RAD51B: variants seen among roughly 807,000 people sequenced by gnomAD.
RAD51B encodes DNA repair protein RAD51 homolog 2.
In RAD51B, 38 loss-of-function variants were observed where a neutral mutation model predicts 42.2. The ratio of observed to expected loss-of-function variants is 0.90; its 90% CI spans 0.70 to 1.18. The LOEUF (loss-of-function observed/expected upper bound fraction) is 1.18. Ranked by LOEUF, RAD51B falls within the 50% of genes most tolerant of loss-of-function variation. The pLI is 0.00. For missense variants in RAD51B, 373 were observed against 400.7 expected, an observed-to-expected ratio of 0.93 and a Z score of 0.59; for synonymous variants, 154 against 145.2, an observed-to-expected ratio of 1.06 and a Z score of -0.43.
At chr14:68,114,084 C>T (rs1489194396) in intron 7 of RAD51B, 1 of 151,962 alleles carries the variant, frequency 6.6e-6, no homozygotes, top group East Asian at 1.9e-4. Flanking sequence ...GAGAGTTTTC[C>T]ACACTGAATA....
At chr14:68,061,748 A>G (rs1224346844) in intron 7 of RAD51B, among the ~76,000 whole-genome samples, 3 of 152,116 alleles carry the variant, frequency 2.0e-5, no homozygotes, top group Non-Finnish European at 4.4e-5. Context: ...TTGATTTTGT[A>G]TACTGCAACT....
chr14:68,057,279 T>C (rs941322205), intron 7 of RAD51B, among the ~76,000 whole-genome samples: 3 of 152,106 alleles, frequency 2.0e-5, no homozygotes, highest in Non-Finnish European at 4.4e-5. Context: ...AGAGAAAATG[T>C]AATAGTTCTT....
At chr14:68,648,107 A>G (rs1892612979) in intron 10 of RAD51B, among the ~76,000 whole-genome samples, 1 of 24,402 alleles carries the variant, frequency 4.1e-5, no homozygotes, top group Admixed American at 5.0e-4. Context: ...ATATATATAC[A>G]CACACGTATA....
chr14:68,293,995 A>T (rs1345447105), intron 8 of RAD51B, among the ~76,000 whole-genome samples: 1 of 152,216 alleles, frequency 6.6e-6, no homozygotes, highest in Non-Finnish European at 1.5e-5. Flanking sequence ...CATTGTTAAA[A>T]ATTGTTATAA....
intron 10 of RAD51B, among the ~76,000 whole-genome samples, chr14:68,517,242 AGGGAAG>A (rs1171595519): frequency 6.0e-5 from 9 of 151,140 alleles, no homozygotes; most frequent in East Asian, 2.0e-4. Context: ...AGGAAAGGAA[AGGGAAG>A]GGGAAGGGGA....
intron 11 of RAD51B, among the ~76,000 whole-genome samples, chr14:68,666,940 T>C (rs1893043812): frequency 6.6e-6 from 1 of 152,100 alleles, no homozygotes; most frequent in Non-Finnish European, 1.5e-5. Flanking sequence ...TCTTTCAGGG[T>C]TGGCCTTTTA....
At chr14:68,624,045 G>A (rs187948591) in intron 10 of RAD51B, among the ~76,000 whole-genome samples, 3 of 152,296 alleles carry the variant, frequency 2.0e-5, no homozygotes, top group Non-Finnish European at 2.9e-5. Flanking sequence ...AAGACGAGGG[G>A]AAGTCGGCAT....
chr14:68,524,529 C>T (rs893430719), intron 10 of RAD51B, among the ~76,000 whole-genome samples: 5 of 152,156 alleles, frequency 3.3e-5, no homozygotes, highest in Non-Finnish European at 5.9e-5. Flanking sequence ...CCCACAGGCT[C>T]GAGCTGGCTT....
chr14:68,314,452 A>C (rs1207059534), intron 8 of RAD51B, among the ~76,000 whole-genome samples: 1 of 152,118 alleles, frequency 6.6e-6, no homozygotes, highest in African/African-American at 2.4e-5. Flanking sequence ...CAGACTTAAA[A>C]TGCTTGCCTC....
At chr14:68,604,395 A>C (rs1055506913) in intron 10 of RAD51B, among the ~76,000 whole-genome samples, 6 of 152,136 alleles carry the variant, frequency 3.9e-5, no homozygotes, top group African/African-American at 1.4e-4. Context: ...AGCTTCGTAC[A>C]ATTATCGGTG....
At chr14:68,440,424 T>C (rs888862492) in intron 9 of RAD51B, among the ~76,000 whole-genome samples, 1 of 152,178 alleles carries the variant, frequency 6.6e-6, no homozygotes, top group Non-Finnish European at 1.5e-5. Context: ...TCTCATATTC[T>C]TCAGCATTGG....
intron 7 of RAD51B, among the ~76,000 whole-genome samples, chr14:68,064,376 ATTCT>A (rs2076616551): frequency 6.6e-6 from 1 of 152,122 alleles, no homozygotes; most frequent in African/African-American, 2.4e-5. Flanking sequence ...CTGTTTTACA[ATTCT>A]TTCTTTGTCT....
At chr14:68,431,079 C>A (rs2084991694) in intron 9 of RAD51B, among the ~76,000 whole-genome samples, 1 of 152,128 alleles carries the variant, frequency 6.6e-6, no homozygotes, top group South Asian at 2.1e-4. Flanking sequence ...GTTGAACCAG[C>A]CTTGCATCCT....
chr14:68,050,373 TC>T (rs1440876105), intron 7 of RAD51B, among the ~76,000 whole-genome samples: 1 of 152,212 alleles, frequency 6.6e-6, no homozygotes, highest in African/African-American at 2.4e-5. Context: ...TTTCATTTTC[TC>T]CTGACTCATC....
chr14:68,573,119 G>A (rs564903142), intron 10 of RAD51B, among the ~76,000 whole-genome samples: 1 of 152,228 alleles, frequency 6.6e-6, no homozygotes, highest in Non-Finnish European at 1.5e-5. Context: ...AGCAGCCAGG[G>A]TGAACTGTAT....
chr14:68,053,766 A>T (rs957534697), intron 7 of RAD51B, among the ~76,000 whole-genome samples: 1 of 152,008 alleles, frequency 6.6e-6, no homozygotes, highest in Non-Finnish European at 1.5e-5. Context: ...ATCTTGAATA[A>T]CTCCAATTCA....
At chr14:68,453,185 T>G (rs147686249) in intron 9 of RAD51B, among the ~76,000 whole-genome samples, 11 of 152,358 alleles carry the variant, frequency 7.2e-5, no homozygotes, top group African/African-American at 2.4e-4. Context: ...ATGTGGAGGT[T>G]TGACCACATA....
chr14:68,275,794 C>CCACACAAACACACA, intron 7 of RAD51B, among the ~76,000 whole-genome samples: 2 of 141,374 alleles, frequency 1.4e-5, no homozygotes, highest in African/African-American at 5.3e-5. Context: ...AACTAGCTCT[C>CCACACAAACACACA]CACACACACA....
At chr14:68,535,299 AAT>A (rs1245729530) in intron 10 of RAD51B, among the ~76,000 whole-genome samples, 1 of 152,104 alleles carries the variant, frequency 6.6e-6, no homozygotes, top group Non-Finnish European at 1.5e-5. Context: ...TGCTGCCTCT[AAT>A]GTCCTATACT....
Sources: allele counts gnomAD v4.1 joint callset (sites outside exome capture counted in the v4.1 genomes callset), GRCh38; gene constraint gnomAD v4.1.1; transcripts MANE v1.5; gene names NCBI Gene and HGNC (gene_info 2026-07-23, HGNC 2026-07-21).